The following COLEC10 variants were observed in gnomAD, a reference collection of about 807,000 sequenced individuals.
COLEC10 encodes the protein collectin-10.
COLEC10 carries 22 observed loss-of-function variants against 28.4 expected under a neutral mutation model. The observed-to-expected ratio is 0.78, with a 90% confidence interval of 0.55 to 1.11. The LOEUF (loss-of-function observed/expected upper bound fraction) is 1.11. Ranked by LOEUF, COLEC10 falls within the 50% of genes least tolerant of loss-of-function variation. The pLI is 0.00. For synonymous variants in COLEC10, 125 were observed against 116.1 expected, an observed-to-expected ratio of 1.08 and a Z score of -0.49; for missense variants, 361 against 344.1, an observed-to-expected ratio of 1.05 and a Z score of -0.39.
At chr8:119,045,998 T>C (rs1587016916) in intron 2 of COLEC10, among the ~76,000 whole-genome samples, 1 of 152,232 alleles carries the variant, frequency 6.6e-6, no homozygotes. Context: ...GATTGACTCA[T>C]GCATCTTTGC....
chr8:118,993,673 G>C (rs950492018), upstream of COLEC10, among the ~76,000 whole-genome samples: 5 of 152,126 alleles, frequency 3.3e-5, no homozygotes, highest in African/African-American at 1.2e-4. Flanking sequence ...TCTTCTATGT[G>C]TGTCTGTGTC....
At chr8:119,004,306 G>A (rs1188631783) in intron 1 of COLEC10, among the ~76,000 whole-genome samples, 1 of 151,794 alleles carries the variant, frequency 6.6e-6, no homozygotes, top group Non-Finnish European at 1.5e-5. Flanking sequence ...CAATGATCCT[G>A]GGAATCACAT....
chr8:119,079,192 A>G (rs1443974395), intron 1 of COLEC10, among the ~76,000 whole-genome samples: 1 of 152,096 alleles, frequency 6.6e-6, no homozygotes, highest in Non-Finnish European at 1.5e-5. Flanking sequence ...GTAATAATGT[A>G]ATATTCTGGA....
intron 2 of COLEC10, among the ~76,000 whole-genome samples, chr8:119,014,863 C>T (rs1429534521): frequency 1.3e-5 from 2 of 150,958 alleles, no homozygotes; most frequent in Non-Finnish European, 2.9e-5. Flanking sequence ...TTAATAAGTC[C>T]ACCAAAGGCA....
chr8:119,008,055 C>T (rs1813837163), intron 1 of COLEC10, among the ~76,000 whole-genome samples: 1 of 150,812 alleles, frequency 6.6e-6, no homozygotes, highest in Non-Finnish European at 1.5e-5. Context: ...ACTGTTATGA[C>T]ATTAAGTAAG....
At chr8:119,105,750 C>T in intron 5 of COLEC10, 50 bp from the exon 6 acceptor site, 1 of 1,494,968 alleles carries the variant, frequency 6.7e-7, no homozygotes, top group Non-Finnish European at 9.0e-7. Context: ...ATTTTGTTGC[C>T]TTTTATCTTT....
chr8:119,035,496 A>G (rs1319206513), intron 2 of COLEC10, among the ~76,000 whole-genome samples: 2 of 152,202 alleles, frequency 1.3e-5, no homozygotes, highest in Non-Finnish European at 2.9e-5. Context: ...ATGCCAATAA[A>G]TTCTGGGAAA....
chr8:119,085,590 CTTCTTCTTCTTTT>C (rs1815460886), intron 1 of COLEC10, among the ~76,000 whole-genome samples: 3 of 96,990 alleles, frequency 3.1e-5, no homozygotes, highest in East Asian at 3.2e-4. Flanking sequence ...CTTCTTCTTT[CTTCTTCTTCTTTT>C]TTTTTTTTTT....
At chr8:119,045,163 A>G (rs895765046) in intron 2 of COLEC10, among the ~76,000 whole-genome samples, 1 of 152,246 alleles carries the variant, frequency 6.6e-6, no homozygotes, top group Non-Finnish European at 1.5e-5. Flanking sequence ...AACGTAAAGA[A>G]TTATCTCCTC....
chr8:118,973,657 T>C, the COLEC10 span, among the ~76,000 whole-genome samples: 5 of 152,046 alleles, frequency 3.3e-5, no homozygotes, highest in South Asian at 8.3e-4. Context: ...TATAAGCAAG[T>C]CATAAATCTT....
intron 2 of COLEC10, among the ~76,000 whole-genome samples, chr8:119,050,845 T>A (rs1214162183): frequency 6.6e-6 from 1 of 152,218 alleles, no homozygotes; most frequent in Non-Finnish European, 1.5e-5. Flanking sequence ...GTTAAGTAGC[T>A]GTGATCTGTC....
intron 1 of COLEC10, chr8:119,068,527 TTAGAGTA>T (rs1452654233): frequency 6.6e-6 from 1 of 152,170 alleles, no homozygotes; most frequent in Non-Finnish European, 1.5e-5. Flanking sequence ...TGAAGTTTCC[TTAGAGTA>T]TAGGAAACTT....
intron 2 of COLEC10, among the ~76,000 whole-genome samples, chr8:119,043,774 C>A (rs747547423): frequency 3.0e-4 from 45 of 152,042 alleles, no homozygotes; most frequent in Admixed American, 2.4e-3. Flanking sequence ...ATTCCAAGGC[C>A]GTGATGGAAG....
chr8:118,992,472 C>T (rs1436604281), upstream of COLEC10, among the ~76,000 whole-genome samples: 2 of 152,172 alleles, frequency 1.3e-5, no homozygotes, highest in South Asian at 2.1e-4. Flanking sequence ...AGAAGTGTTG[C>T]CTATAAGTTT....
chr8:118,988,512 T>C, the COLEC10 span, among the ~76,000 whole-genome samples: 1 of 151,970 alleles, frequency 6.6e-6, no homozygotes, highest in Non-Finnish European at 1.5e-5. Flanking sequence ...GGAAATAGAC[T>C]GGGAATGAGG....
At chr8:119,086,755 A>G (rs1386001444) in intron 1 of COLEC10, among the ~76,000 whole-genome samples, 1 of 152,248 alleles carries the variant, frequency 6.6e-6, no homozygotes, top group Non-Finnish European at 1.5e-5. Flanking sequence ...TCTGTGTGGC[A>G]TTTTGATTCT....
the COLEC10 span, among the ~76,000 whole-genome samples, chr8:118,975,610 C>A: frequency 2.6e-5 from 4 of 152,052 alleles, no homozygotes; most frequent in African/African-American, 9.7e-5. Context: ...CTGGTAAGGT[C>A]TCCTGGGTTT....
At chr8:119,022,531 C>T (rs1814118302) in intron 2 of COLEC10, among the ~76,000 whole-genome samples, 1 of 152,062 alleles carries the variant, frequency 6.6e-6, no homozygotes, top group African/African-American at 2.4e-5. Flanking sequence ...GGAAAGACTA[C>T]TTATTTTTTT....
At chr8:118,995,355 A>T (rs1441483398), upstream of COLEC10, 2 of 152,188 alleles carry the variant, frequency 1.3e-5, no homozygotes, top group African/African-American at 4.8e-5. Context: ...CTCTCCACAG[A>T]TATGCTAAAT....
Sources: allele counts gnomAD v4.1 joint callset (sites outside exome capture counted in the v4.1 genomes callset), GRCh38; gene constraint gnomAD v4.1.1; transcripts MANE v1.5; gene names NCBI Gene and HGNC (gene_info 2026-07-23, HGNC 2026-07-21).